The following CSMD1 variants were observed in gnomAD, a reference collection of about 807,000 sequenced individuals.
CSMD1 encodes the protein CUB and Sushi multiple domains 1, also known as CUB and sushi domain-containing protein 1.
A neutral mutation model predicts 417.5 loss-of-function variants in CSMD1; 213 were observed. That is an observed-to-expected ratio of 0.51 (90% confidence interval 0.46 to 0.57). The LOEUF (loss-of-function observed/expected upper bound fraction) is 0.57. Among genes scored for constraint, CSMD1 ranks in the 20% least tolerant of loss-of-function variants. The pLI is 0.00. For missense variants in CSMD1, 6,923 were observed against 4,529.7 expected (o/e 1.53, Z -15.17); for synonymous variants, 2,862 against 1,736.8 (o/e 1.65, Z -16.11).
intron 6 of CSMD1, among the ~76,000 whole-genome samples, chr8:3,728,723 G>C (rs1802640920): frequency 1.3e-5 from 2 of 152,128 alleles, no homozygotes; most frequent in South Asian, 2.1e-4. Flanking sequence ...AGTTAAAATG[G>C]TGGGCATGGT....
chr8:3,809,112 G>A (rs952635717), intron 5 of CSMD1, among the ~76,000 whole-genome samples: 13 of 152,118 alleles, frequency 8.5e-5, no homozygotes, highest in African/African-American at 3.1e-4. Flanking sequence ...CCGGGCACAT[G>A]CTCTGCCCTC....
chr8:4,697,300 T>C (rs987621456), intron 1 of CSMD1, among the ~76,000 whole-genome samples: 2 of 152,222 alleles, frequency 1.3e-5, no homozygotes, highest in African/African-American at 2.4e-5. Flanking sequence ...GAGGACCACC[T>C]GGACTTAGTT....
At chr8:3,374,643 T>G (rs892492389) in intron 18 of CSMD1, among the ~76,000 whole-genome samples, 1 of 152,112 alleles carries the variant, frequency 6.6e-6, no homozygotes, top group Non-Finnish European at 1.5e-5. Context: ...ATGGAGTAAG[T>G]GATACAAGGT....
chr8:4,105,948 T>C (rs1209412728), intron 3 of CSMD1, among the ~76,000 whole-genome samples: 1 of 152,168 alleles, frequency 6.6e-6, no homozygotes, highest in Non-Finnish European at 1.5e-5. Flanking sequence ...ATACCTGACC[T>C]GAATTAGCCA....
intron 3 of CSMD1, among the ~76,000 whole-genome samples, chr8:4,063,182 A>G (rs141601698): frequency 3.9e-4 from 60 of 152,306 alleles, no homozygotes; most frequent in African/African-American, 1.4e-3. Flanking sequence ...ACAGTAATGG[A>G]TATCATAATT....
intron 5 of CSMD1, among the ~76,000 whole-genome samples, chr8:3,781,584 T>A (rs191784402): frequency 6.6e-6 from 1 of 152,302 alleles, no homozygotes; most frequent in African/African-American, 2.4e-5. Context: ...TCTCCAATTA[T>A]CAGTGTACTC....
At chr8:3,618,790 T>C (rs533380449) in intron 7 of CSMD1, among the ~76,000 whole-genome samples, 138 of 152,318 alleles carry the variant, frequency 9.1e-4, no homozygotes, top group African/African-American at 3.2e-3. Context: ...TCATGATGTC[T>C]TACTCTCCCT....
chr8:3,123,886 T>G (rs891230405), intron 41 of CSMD1, among the ~76,000 whole-genome samples: 1 of 152,214 alleles, frequency 6.6e-6, no homozygotes, highest in African/African-American at 2.4e-5. Flanking sequence ...TTGCCTTAGT[T>G]TGGCTGTGTA....
chr8:3,359,461 C>T (rs1809012699), intron 20 of CSMD1, 121 bp from the exon 21 acceptor site: 3 of 735,788 alleles, frequency 4.1e-6, no homozygotes, highest in Admixed American at 3.0e-5. Flanking sequence ...ATATATTTTC[C>T]CCAAACACTT....
intron 3 of CSMD1, among the ~76,000 whole-genome samples, chr8:4,135,489 C>G (rs897270253): frequency 5.9e-5 from 9 of 151,754 alleles, no homozygotes; most frequent in African/African-American, 1.7e-4. Context: ...TAAATATCCC[C>G]ACATATAAAA....
intron 10 of CSMD1, among the ~76,000 whole-genome samples, chr8:3,520,354 C>G (rs7823158): frequency 0.025 from 3,792 of 152,078 alleles, 109 homozygotes; most frequent in African/African-American, 0.073. Context: ...AATATTTTGA[C>G]TAATAATTAT....
chr8:3,870,409 T>G (rs1469560132), intron 5 of CSMD1, among the ~76,000 whole-genome samples: 3 of 152,208 alleles, frequency 2.0e-5, no homozygotes, highest in African/African-American at 7.2e-5. Context: ...CACATAGCAC[T>G]CCATGAAACA....
intron 3 of CSMD1, among the ~76,000 whole-genome samples, chr8:4,188,671 T>C (rs1798828671): frequency 6.6e-6 from 1 of 152,138 alleles, no homozygotes. Flanking sequence ...TAAAACAGTC[T>C]AGTCTTTTAA....
At chr8:3,646,272 A>AT (rs1797566494) in intron 7 of CSMD1, among the ~76,000 whole-genome samples, 1 of 152,166 alleles carries the variant, frequency 6.6e-6, no homozygotes. Flanking sequence ...GTTAACTGTA[A>AT]TTTTTCTCAG....
At chr8:4,392,137 T>C (rs140757253) in intron 3 of CSMD1, among the ~76,000 whole-genome samples, 1,912 of 152,300 alleles carry the variant, frequency 0.013, 20 homozygotes, top group Middle Eastern at 0.071. Flanking sequence ...CAAGTCCAGA[T>C]TGCTGACCAC....
intron 5 of CSMD1, among the ~76,000 whole-genome samples, chr8:3,781,010 A>C (rs1327166988): frequency 6.6e-6 from 1 of 152,170 alleles, no homozygotes; most frequent in African/African-American, 2.4e-5. Context: ...GACTCCTTGG[A>C]ATAAAGTATT....
intron 3 of CSMD1, among the ~76,000 whole-genome samples, chr8:4,217,814 C>G (rs992681250): frequency 1.1e-4 from 17 of 152,054 alleles, no homozygotes; most frequent in Non-Finnish European, 2.2e-4. Context: ...GGTCGATCAC[C>G]CTCTCAAGTA....
At position 4,225,325 on chromosome 8, in the gene CSMD1, G is replaced by C. The variant is rs115480100; in HGVS notation, c.416-193226C>G. On this transcript the variant is annotated intron_variant, in intron 3 of 69. Coordinates refer to ENST00000635120, the MANE Select transcript of CSMD1 (RefSeq NM_033225.6). ...TTTCTTTTCTGAATCATCGAGACTTGATGTTATTTTAATTTCCACCTAAAA... is the reference window on the plus strand; with the variant it reads ...TTTCTTTTCTGAATCATCGAGACTTCATGTTATTTTAATTTCCACCTAAAA... Among the ~76,000 whole-genome samples, 279 of 151,988 alleles carry C rather than the reference G, an allele frequency of 1.8e-3. 1 individual carries two copies. Among genetic ancestry groups the C allele is most frequent in the African/African-American group, 6.4e-3 (266 of 41,450 alleles).
At chr8:4,713,682 C>T (rs1449074033) in intron 1 of CSMD1, among the ~76,000 whole-genome samples, 1 of 152,108 alleles carries the variant, frequency 6.6e-6, no homozygotes, top group African/African-American at 2.4e-5. Flanking sequence ...GGACCCAGAG[C>T]TCCAGCTGCT....
Sources: gnomAD v4.1 joint callset for allele counts (sites outside exome capture counted in the v4.1 genomes callset) on GRCh38, gnomAD v4.1.1 for gene constraint, MANE v1.5 for transcripts, NCBI Gene and HGNC (gene_info 2026-07-23, HGNC 2026-07-21) for gene names.